Variants in PPP2R2C observed in about 807,000 individuals in gnomAD.
PPP2R2C encodes the protein protein phosphatase 2, regulatory subunit B, gamma.
In PPP2R2C, 10 loss-of-function variants were observed where a neutral mutation model predicts 45.3. The ratio of observed to expected loss-of-function variants is 0.22; its 90% CI spans 0.14 to 0.37. PPP2R2C has a LOEUF of 0.37. Among genes scored for constraint, PPP2R2C ranks in the 10% least tolerant of loss-of-function variants. The pLI is 1.00. For missense variants in PPP2R2C, 308 were observed against 619.7 expected, an observed-to-expected ratio of 0.50 and a Z score of 5.34; for synonymous variants, 257 against 245.4, an observed-to-expected ratio of 1.05 and a Z score of -0.44.
At chr4:6,335,068 C>CTCAT (rs767673828) in intron 6 of PPP2R2C, among the ~76,000 whole-genome samples, 10 of 152,218 alleles carry the variant, frequency 6.6e-5, no homozygotes, top group South Asian at 4.1e-4. Context: ...CCCTGATGGA[C>CTCAT]TCATTCATTC....
At chr4:6,392,987 T>C (rs1248845670) in intron 1 of PPP2R2C, among the ~76,000 whole-genome samples, 1 of 152,178 alleles carries the variant, frequency 6.6e-6, no homozygotes, top group East Asian at 1.9e-4. Flanking sequence ...TCGCTCCAGG[T>C]CTATGAGGAA....
chr4:6,503,509 C>G (rs546800582), intron 2 of PPP2R2C, among the ~76,000 whole-genome samples: 4 of 152,280 alleles, frequency 2.6e-5, no homozygotes, highest in African/African-American at 9.6e-5. Context: ...TTTCTATTTA[C>G]TGTATGTGTT....
At chr4:6,420,872 T>G in intron 1 of PPP2R2C, 1 of 921,260 alleles carries the variant, frequency 1.1e-6, no homozygotes, top group Non-Finnish European at 1.3e-6. Flanking sequence ...CACACACTTG[T>G]TGGATGTTAC....
chr4:6,558,529 AG>A (rs1430773363), intron 1 of PPP2R2C, among the ~76,000 whole-genome samples: 1 of 152,176 alleles, frequency 6.6e-6, no homozygotes, highest in Non-Finnish European at 1.5e-5. Context: ...CTAAAATATC[AG>A]GGCATCCCCT....
chr4:6,410,883 TTATTAGAC>T (rs1275783778), intron 1 of PPP2R2C, among the ~76,000 whole-genome samples: 1 of 149,768 alleles, frequency 6.7e-6, no homozygotes, highest in Non-Finnish European at 1.5e-5. Context: ...ATTTATTTAT[TTATTAGAC>T]AGAGTCTCAC....
At position 6,389,478 on chromosome 4, in the gene PPP2R2C, G is replaced by A. The variant is rs140378965; in HGVS notation, c.71-8384C>T. ...AGGGCTGCTAAGGATGGAGGTGGGC[G>A]AGGAAGGAGGGGTCCGCCTGCTGCC... On this transcript the variant is annotated intron_variant, in intron 1 of 8. Transcript: ENST00000382599. 7.3e-3 allele frequency among the ~76,000 whole-genome samples: 1,116 copies of A among 152,316 alleles called. 6 individuals carry two copies. The highest frequency in any genetic ancestry group is 0.044 in the Middle Eastern group (13 of 294).
intron 1 of PPP2R2C, among the ~76,000 whole-genome samples, chr4:6,427,827 T>C (rs1719410024): frequency 1.3e-5 from 2 of 152,260 alleles, no homozygotes; most frequent in South Asian, 4.1e-4. Context: ...ACATGAGGTG[T>C]AGAGGTAGAT....
rs1238862769 is a variant in PPP2R2C at position 6,331,671 on chromosome 4, G to C, written c.960+1891C>G. 6.6e-6 allele frequency among the ~76,000 whole-genome samples: 1 copy of C among 152,138 alleles called. No homozygotes were observed. Among genetic ancestry groups the C allele is most frequent in the African/African-American group, 2.4e-5 (1 of 41,424 alleles). On this transcript the variant is annotated intron_variant, in intron 7 of 8. Transcript: ENST00000382599. The surrounding 1 kb of genome is among the most constrained non-coding windows in gnomAD (Gnocchi z 5.9). Reference sequence around the variant, plus strand: ...GCCTGGAATGTAGGCAAAGTGCTTGGAGGTGTGGCAGCCACTTTGCCACCA... The same window carrying C: ...GCCTGGAATGTAGGCAAAGTGCTTGCAGGTGTGGCAGCCACTTTGCCACCA...
chr4:6,429,987 T>A (rs1719531109), intron 1 of PPP2R2C, among the ~76,000 whole-genome samples: 1 of 152,078 alleles, frequency 6.6e-6, no homozygotes, highest in Non-Finnish European at 1.5e-5. Flanking sequence ...ACACAGCACA[T>A]CAGCAGAGGT....
At chr4:6,380,708 G>C (rs1297848688) in intron 2 of PPP2R2C, among the ~76,000 whole-genome samples, 1 of 151,938 alleles carries the variant, frequency 6.6e-6, no homozygotes, top group Non-Finnish European at 1.5e-5. Flanking sequence ...GGCTTTGCCA[G>C]CCCACCCAGT....
chr4:6,481,615 A>G (rs1722352434), intron 2 of PPP2R2C, among the ~76,000 whole-genome samples: 1 of 152,148 alleles, frequency 6.6e-6, no homozygotes, highest in African/African-American at 2.4e-5. Context: ...GCCTTTCATC[A>G]AAATTGTCTT....
intron 2 of PPP2R2C, among the ~76,000 whole-genome samples, chr4:6,510,891 T>A (rs1203233914): frequency 6.6e-6 from 1 of 150,726 alleles, no homozygotes. Flanking sequence ...GTAGGAGAAT[T>A]GCTGGAACCC....
intron 4 of PPP2R2C, among the ~76,000 whole-genome samples, chr4:6,373,339 T>C (rs1163224642): frequency 6.6e-6 from 1 of 152,182 alleles, no homozygotes; most frequent in Non-Finnish European, 1.5e-5. Context: ...CCTGGACTGC[T>C]GGTGTTGTTT....
chr4:6,526,184 C>T (rs1435513182), intron 2 of PPP2R2C, among the ~76,000 whole-genome samples: 3 of 152,256 alleles, frequency 2.0e-5, no homozygotes, highest in Admixed American at 2.0e-4. Context: ...TACATGTTAG[C>T]TTATGACAAA....
chr4:6,548,063 C>T (rs971349557), intron 1 of PPP2R2C, among the ~76,000 whole-genome samples: 7 of 152,006 alleles, frequency 4.6e-5, no homozygotes, highest in Non-Finnish European at 1.0e-4. Flanking sequence ...ATTAAAAATA[C>T]AAAAATTAAC....
intron 5 of PPP2R2C, among the ~76,000 whole-genome samples, chr4:6,366,204 T>A (rs1322088162): frequency 1.3e-5 from 2 of 152,192 alleles, no homozygotes; most frequent in African/African-American, 4.8e-5. Flanking sequence ...CTTACAAATA[T>A]CCTTATAAAA....
At chr4:6,337,650 C>T (rs1733083927) in intron 6 of PPP2R2C, among the ~76,000 whole-genome samples, 1 of 152,174 alleles carries the variant, frequency 6.6e-6, no homozygotes, top group Non-Finnish European at 1.5e-5. Flanking sequence ...GCCAGAATCA[C>T]AGGGGGCACC....
intron 5 of PPP2R2C, chr4:6,350,773 G>A: frequency 1.0e-5 from 10 of 985,390 alleles, no homozygotes; most frequent in Non-Finnish European, 1.2e-5. Context: ...CCAGGCTGAA[G>A]TTTTGAGAGC....
rs530235313 is a variant in PPP2R2C at position 6,526,814 on chromosome 4, G to A, written c.49+8457C>T. ...ATATGCATCATGGCCACCTCCCACT[G>A]AGCAGAAAATGCAAACTCAACACCT... On this transcript the variant is annotated intron_variant, in intron 2 of 9. Coordinates refer to the PPP2R2C transcript ENST00000506140. Among the ~76,000 whole-genome samples the A allele has an allele frequency of 8.9e-4, 135 of 152,314 alleles. No individual in the cohort carries two copies. The South Asian group carries it at 9.5e-3, about 11-fold the overall frequency.
Sources: gnomAD v4.1 joint callset for allele counts (sites outside exome capture counted in the v4.1 genomes callset) on GRCh38, gnomAD v4.1.1 for gene constraint, Gnocchi (gnomAD v3.1) non-coding constraint, MANE v1.5 for transcripts, NCBI Gene and HGNC (gene_info 2026-07-23, HGNC 2026-07-21) for gene names.